Variants in CFAP299 observed in about 807,000 individuals in gnomAD.
CFAP299 encodes the protein cilia- and flagella-associated protein 299.
CFAP299 carries 21 observed loss-of-function variants against 27.0 expected under a neutral mutation model. That is an observed-to-expected ratio of 0.78 (90% confidence interval 0.55 to 1.12). The LOEUF (loss-of-function observed/expected upper bound fraction) is 1.12. Among genes scored for constraint, CFAP299 ranks in the 50% most tolerant of loss-of-function variants. CFAP299 has a pLI of 0.00. For missense variants in CFAP299, 310 were observed against 276.6 expected (o/e 1.12, Z -0.86); for synonymous variants, 104 against 98.1 (o/e 1.06, Z -0.36).
chr4:80,940,196 C>T (rs1258273864), intron 4 of CFAP299, among the ~76,000 whole-genome samples: 1 of 152,060 alleles, frequency 6.6e-6, no homozygotes, highest in Non-Finnish European at 1.5e-5. Context: ...GATATATGGC[C>T]ATATTTTGAG....
intron 3 of CFAP299, among the ~76,000 whole-genome samples, chr4:80,769,806 C>A (rs1726108242): frequency 6.6e-6 from 1 of 152,192 alleles, no homozygotes; most frequent in Admixed American, 6.5e-5. Flanking sequence ...ACCAAGACTG[C>A]AATTCTTATC....
intron 1 of CFAP299, among the ~76,000 whole-genome samples, chr4:80,342,073 T>C (rs1446549348): frequency 6.6e-6 from 1 of 152,120 alleles, no homozygotes; most frequent in Non-Finnish European, 1.5e-5. Flanking sequence ...CTCTCAGAGA[T>C]TGAAGACCAT....
chr4:80,504,470 T>C (rs1444115709), intron 2 of CFAP299, among the ~76,000 whole-genome samples: 1 of 89,922 alleles, frequency 1.1e-5, no homozygotes, highest in Non-Finnish European at 2.3e-5. Flanking sequence ...CACATATATA[T>C]ATATATATAT....
intron 3 of CFAP299, among the ~76,000 whole-genome samples, chr4:80,662,959 T>C (rs1201612283): frequency 1.3e-5 from 2 of 151,880 alleles, no homozygotes; most frequent in Non-Finnish European, 2.9e-5. Flanking sequence ...TGAAAAGGAA[T>C]GTCACTGGGA....
At chr4:80,722,353 G>T (rs1054527903) in intron 3 of CFAP299, among the ~76,000 whole-genome samples, 16 of 151,248 alleles carry the variant, frequency 1.1e-4, no homozygotes, top group Admixed American at 9.9e-4. Flanking sequence ...GGAGGCGGAG[G>T]TTGCAGTGAG....
chr4:80,545,916 G>A (rs1268026901), intron 2 of CFAP299, among the ~76,000 whole-genome samples: 1 of 152,048 alleles, frequency 6.6e-6, no homozygotes, highest in Non-Finnish European at 1.5e-5. Flanking sequence ...AATCGAGCAG[G>A]CTTTACTCCT....
intron 3 of CFAP299, among the ~76,000 whole-genome samples, chr4:80,736,981 C>T (rs1007035587): frequency 6.6e-6 from 1 of 151,924 alleles, no homozygotes; most frequent in African/African-American, 2.4e-5. Flanking sequence ...TACTACGCAG[C>T]CATAAAAAAT....
At chr4:80,939,700 A>G (rs1277756351) in intron 4 of CFAP299, among the ~76,000 whole-genome samples, 1 of 152,152 alleles carries the variant, frequency 6.6e-6, no homozygotes, top group East Asian at 1.9e-4. Context: ...TGGTAGTCTC[A>G]TGTTTCCTTG....
intron 3 of CFAP299, among the ~76,000 whole-genome samples, chr4:80,772,778 T>A (rs1726295151): frequency 6.6e-6 from 1 of 152,138 alleles, no homozygotes; most frequent in Admixed American, 6.6e-5. Flanking sequence ...GTGTTCTCAT[T>A]GTGCAACTCT....
intron 3 of CFAP299, among the ~76,000 whole-genome samples, chr4:80,585,783 A>G (rs1159995940): frequency 2.0e-5 from 3 of 152,192 alleles, no homozygotes; most frequent in Non-Finnish European, 2.9e-5. Flanking sequence ...CTGAGAGGCC[A>G]TTGTAACAGT....
chr4:80,937,109 C>T (rs1381342097), intron 4 of CFAP299, among the ~76,000 whole-genome samples: 1 of 151,742 alleles, frequency 6.6e-6, no homozygotes, highest in African/African-American at 2.4e-5. Context: ...TTAATATTTG[C>T]TTTATACATT....
chr4:80,738,930 G>C (rs1303184666), intron 3 of CFAP299, among the ~76,000 whole-genome samples: 2 of 151,524 alleles, frequency 1.3e-5, no homozygotes, highest in Non-Finnish European at 2.9e-5. Flanking sequence ...TTTGGTTTGA[G>C]GTTACCATGA....
At chr4:80,850,714 C>T (rs1365978676) in intron 3 of CFAP299, among the ~76,000 whole-genome samples, 1 of 151,966 alleles carries the variant, frequency 6.6e-6, no homozygotes, top group Non-Finnish European at 1.5e-5. Flanking sequence ...GAATCATATG[C>T]TGATTTCCAT....
intron 3 of CFAP299, among the ~76,000 whole-genome samples, chr4:80,666,901 T>G (rs545183753): frequency 1.1e-4 from 16 of 152,304 alleles, no homozygotes; most frequent in African/African-American, 3.6e-4. Context: ...TAAAGAATGA[T>G]TAAACATTTC....
chr4:80,762,246 G>GA (rs1351883555), intron 3 of CFAP299, among the ~76,000 whole-genome samples: 3 of 151,972 alleles, frequency 2.0e-5, no homozygotes, highest in East Asian at 3.9e-4. Flanking sequence ...AAAATAACAT[G>GA]AAAAACTTTC....
At chr4:80,765,324 A>G (rs1039470328) in intron 3 of CFAP299, among the ~76,000 whole-genome samples, 17 of 152,186 alleles carry the variant, frequency 1.1e-4, no homozygotes, top group African/African-American at 4.1e-4. Flanking sequence ...GTCTTTATTC[A>G]GAGATGATAT....
chr4:80,962,263 A>G (rs1738381335), intron 5 of CFAP299, among the ~76,000 whole-genome samples: 1 of 152,026 alleles, frequency 6.6e-6, no homozygotes, highest in South Asian at 2.1e-4. Flanking sequence ...TTCATTAATT[A>G]TAGAAGAAAC....
chr4:80,808,589 G>A (rs763665879), intron 3 of CFAP299, among the ~76,000 whole-genome samples: 4 of 152,052 alleles, frequency 2.6e-5, no homozygotes, highest in Non-Finnish European at 5.9e-5. Flanking sequence ...GTTACATGGT[G>A]AGTCATAGTG....
chr4:80,905,612 C>G (rs1735144217), intron 4 of CFAP299, among the ~76,000 whole-genome samples: 2 of 152,118 alleles, frequency 1.3e-5, no homozygotes, highest in Admixed American at 1.3e-4. Flanking sequence ...TTAATTGACT[C>G]ACAGTTCCAC....
Sources: gnomAD v4.1 joint callset for allele counts (sites outside exome capture counted in the v4.1 genomes callset) on GRCh38, gnomAD v4.1.1 for gene constraint, MANE v1.5 for transcripts, NCBI Gene and HGNC (gene_info 2026-07-23, HGNC 2026-07-21) for gene names.